CHRNA7: variants seen among roughly 807,000 people sequenced by gnomAD.
CHRNA7 encodes the protein cholinergic receptor nicotinic alpha 7 subunit.
CHRNA7 carries 17 observed loss-of-function variants against 48.0 expected under a neutral mutation model. The observed-to-expected ratio is 0.35, with a 90% CI of 0.24 to 0.53. The LOEUF (loss-of-function observed/expected upper bound fraction) is 0.53, where lower values mean the gene tolerates loss of function less well. CHRNA7 is among the 20% of genes least tolerant of loss of function. The pLI is 0.92. For synonymous variants in CHRNA7, 75 were observed against 242.3 expected (o/e 0.31, Z 6.41); for missense variants, 155 against 577.7 (o/e 0.27, Z 7.50).
intron 2 of CHRNA7, among the ~76,000 whole-genome samples, chr15:32,093,742 A>T (rs899575279): frequency 5.3e-5 from 8 of 152,168 alleles, no homozygotes; most frequent in African/African-American, 1.9e-4. Flanking sequence ...TCCTGGGATT[A>T]TGTCTCAAGG....
intron 3 of CHRNA7, chr15:32,102,917 G>C (rs1263106225): frequency 1.3e-5 from 2 of 152,122 alleles, no homozygotes; most frequent in Non-Finnish European, 2.9e-5. Context: ...CTTCAATTTT[G>C]TTGAAAACAA....
intron 2 of CHRNA7, among the ~76,000 whole-genome samples, chr15:32,076,574 AG>A (rs990393768): frequency 2.6e-5 from 4 of 152,192 alleles, no homozygotes; most frequent in Non-Finnish European, 5.9e-5. Flanking sequence ...TCTTGTAGAC[AG>A]CTTATAGTTT....
At chr15:32,095,690 A>G (rs1295717603) in intron 2 of CHRNA7, among the ~76,000 whole-genome samples, 1 of 152,200 alleles carries the variant, frequency 6.6e-6, no homozygotes, top group Non-Finnish European at 1.5e-5. Context: ...AGAGGGAAAT[A>G]ACGTCTAACC....
intron 4 of CHRNA7, among the ~76,000 whole-genome samples, chr15:32,150,875 G>A (rs142327771): frequency 7.9e-5 from 12 of 151,948 alleles, no homozygotes; most frequent in Non-Finnish European, 1.6e-4. Flanking sequence ...TACAGACTAC[G>A]GTCAAGCAAA....
At chr15:32,086,261 C>T (rs541250286) in intron 2 of CHRNA7, among the ~76,000 whole-genome samples, 25 of 148,752 alleles carry the variant, frequency 1.7e-4, no homozygotes, top group African/African-American at 5.2e-4. Flanking sequence ...CCCAGCTACT[C>T]GGGAGGCTGA....
At chr15:32,152,274 C>T (rs888116921) in intron 4 of CHRNA7, among the ~76,000 whole-genome samples, 1 of 152,164 alleles carries the variant, frequency 6.6e-6, no homozygotes, top group Admixed American at 6.5e-5. Flanking sequence ...GAAACCCCAT[C>T]TCTACTAAAA....
chr15:32,048,113 G>A (rs1474814187), intron 2 of CHRNA7, among the ~76,000 whole-genome samples: 1 of 152,174 alleles, frequency 6.6e-6, no homozygotes, highest in Non-Finnish European at 1.5e-5. Flanking sequence ...GTTCATCAGG[G>A]ATATTGGTCT....
chr15:32,088,379 C>T (rs1323905198), intron 2 of CHRNA7, among the ~76,000 whole-genome samples: 1 of 152,130 alleles, frequency 6.6e-6, no homozygotes, highest in African/African-American at 2.4e-5. Flanking sequence ...TGTGATTATG[C>T]ATTAGGCTGC....
intron 2 of CHRNA7, among the ~76,000 whole-genome samples, chr15:32,039,190 T>A (rs1383572956): frequency 2.6e-5 from 4 of 152,200 alleles, no homozygotes; most frequent in Non-Finnish European, 5.9e-5. Flanking sequence ...TTGATTTTAT[T>A]GATCATTTTT....
chr15:32,120,334 G>C (rs937377769), intron 4 of CHRNA7, among the ~76,000 whole-genome samples: 1 of 152,086 alleles, frequency 6.6e-6, no homozygotes, highest in Admixed American at 6.5e-5. Flanking sequence ...CTCCACTTTC[G>C]CACCTGCTCT....
At chr15:32,153,247 C>G (rs2051669556) in intron 4 of CHRNA7, 1 of 151,962 alleles carries the variant, frequency 6.6e-6, no homozygotes, top group African/African-American at 2.4e-5. Context: ...AGTGAAACCC[C>G]CGTCTCTACT....
intron 2 of CHRNA7, among the ~76,000 whole-genome samples, chr15:32,097,874 G>A (rs1015981694): frequency 6.6e-6 from 1 of 152,228 alleles, no homozygotes; most frequent in Admixed American, 6.5e-5. Context: ...TCAGGCTCAA[G>A]TGCTGCATGG....
At chr15:32,039,091 A>G (rs62002890) in intron 2 of CHRNA7, among the ~76,000 whole-genome samples, 10,956 of 152,194 alleles carry the variant, frequency 0.072, 504 homozygotes, top group Non-Finnish European at 0.11. Flanking sequence ...TTTAATGCCC[A>G]TGGGCTGTGT....
chr15:32,086,728 G>A (rs570115419), intron 2 of CHRNA7, among the ~76,000 whole-genome samples: 5 of 152,128 alleles, frequency 3.3e-5, no homozygotes, highest in Admixed American at 6.6e-5. Context: ...TGATGATCTC[G>A]ACAGTTTTGA....
At chr15:32,108,279 C>T (rs1051153279) in intron 3 of CHRNA7, among the ~76,000 whole-genome samples, 5 of 152,182 alleles carry the variant, frequency 3.3e-5, no homozygotes, top group Non-Finnish European at 7.3e-5. Flanking sequence ...CAACTCCACA[C>T]ACTCTTCTTT....
rs759217449 is a variant in CHRNA7 at position 32,031,065 on chromosome 15, C to G, written c.195+28C>G. On this transcript the variant is annotated intron_variant, in intron 2 of 9. Coordinates refer to ENST00000306901, the MANE Select transcript of CHRNA7 (RefSeq NM_000746.6). ...GAGTCCCGCCTGGCTACAGGGCTGC[C>G]CTCTCCCCTTCCTGGGCTCCGAGGG... The G allele has an allele frequency of 1.1e-5, 17 of 1,612,794 alleles. No homozygotes were observed. The South Asian group carries it at 1.8e-4, about 17-fold the overall frequency.
intron 4 of CHRNA7, among the ~76,000 whole-genome samples, chr15:32,125,245 G>T (rs900722226): frequency 1.3e-5 from 2 of 152,212 alleles, no homozygotes; most frequent in African/African-American, 2.4e-5. Context: ...GAAATGGAAA[G>T]AACAGACCTC....
At chr15:32,121,241 C>T (rs2050964460) in intron 4 of CHRNA7, among the ~76,000 whole-genome samples, 3 of 152,142 alleles carry the variant, frequency 2.0e-5, no homozygotes, top group Admixed American at 1.3e-4. Context: ...GTCAGTCGGC[C>T]GGGTGGTATT....
At chr15:32,090,273 C>G (rs531625659) in intron 2 of CHRNA7, among the ~76,000 whole-genome samples, 1 of 152,262 alleles carries the variant, frequency 6.6e-6, no homozygotes, top group South Asian at 2.1e-4. Context: ...GTGGAGAAGG[C>G]TCTGGGTGAC....
Sources: allele counts gnomAD v4.1 joint callset (sites outside exome capture counted in the v4.1 genomes callset), GRCh38; gene constraint gnomAD v4.1.1; transcripts MANE v1.5; gene names NCBI Gene and HGNC (gene_info 2026-07-23, HGNC 2026-07-21).